EXOC4: variants seen among roughly 807,000 people sequenced by gnomAD.
EXOC4 encodes SEC8-like 1.
EXOC4 carries 71 observed loss-of-function variants against 107.2 expected under a neutral mutation model. The observed-to-expected ratio is 0.66, with a 90% CI of 0.55 to 0.81. The LOEUF (loss-of-function observed/expected upper bound fraction) is 0.81, where lower values mean the gene tolerates loss of function less well. EXOC4 is among the 30% of genes least tolerant of loss of function. The pLI is 0.00. For missense variants in EXOC4, 1,108 were observed against 1,189.6 expected (o/e 0.93, Z 1.01); for synonymous variants, 456 against 441.2 (o/e 1.03, Z -0.42).
At chr7:133,874,448 T>A (rs1408739370) in intron 11 of EXOC4, among the ~76,000 whole-genome samples, 2 of 152,216 alleles carry the variant, frequency 1.3e-5, no homozygotes, top group African/African-American at 4.8e-5. Context: ...ATATCCAAGT[T>A]GAATCTCCAC....
At chr7:134,044,749 T>C (rs1234909476) in intron 17 of EXOC4, among the ~76,000 whole-genome samples, 1 of 152,266 alleles carries the variant, frequency 6.6e-6, no homozygotes, top group Non-Finnish European at 1.5e-5. Flanking sequence ...GATCCAATGC[T>C]GTTAATATGT....
At chr7:133,377,453 A>C (rs930079013) in intron 7 of EXOC4, among the ~76,000 whole-genome samples, 1 of 152,226 alleles carries the variant, frequency 6.6e-6, no homozygotes, top group African/African-American at 2.4e-5. Flanking sequence ...ATTTGAGGAT[A>C]GATCAATGTA....
At chr7:133,274,620 T>G (rs1793946589) in intron 1 of EXOC4, among the ~76,000 whole-genome samples, 3 of 152,208 alleles carry the variant, frequency 2.0e-5, no homozygotes, top group Admixed American at 6.5e-5. Context: ...TAGTACTTCC[T>G]TAGTTTTGTC....
chr7:133,895,566 A>G (rs1799287316), intron 11 of EXOC4, 33 bp from the exon 12 acceptor site: 4 of 1,602,334 alleles, frequency 2.5e-6, no homozygotes, highest in South Asian at 2.2e-5. Flanking sequence ...GACTACAGAA[A>G]TCTCATATCC....
At chr7:133,704,370 T>C (rs1215698565) in intron 10 of EXOC4, among the ~76,000 whole-genome samples, 1 of 152,262 alleles carries the variant, frequency 6.6e-6, no homozygotes, top group Non-Finnish European at 1.5e-5. Context: ...ATGGTGGTCA[T>C]TGTAACACCG....
intron 14 of EXOC4, among the ~76,000 whole-genome samples, chr7:133,979,766 C>T (rs557530178): frequency 1.1e-4 from 16 of 151,490 alleles, no homozygotes; most frequent in South Asian, 4.2e-4. Flanking sequence ...CCAGCCTGGG[C>T]GACAGAGCGA....
chr7:133,353,188 A>G (rs962044257), intron 5 of EXOC4, among the ~76,000 whole-genome samples: 3 of 152,100 alleles, frequency 2.0e-5, no homozygotes, highest in Non-Finnish European at 2.9e-5. Context: ...TAACACTACT[A>G]ATTTTTATAA....
intron 11 of EXOC4, among the ~76,000 whole-genome samples, chr7:133,844,430 G>A (rs1041675735): frequency 5.3e-5 from 6 of 113,092 alleles, no homozygotes; most frequent in South Asian, 5.7e-4. Context: ...TTGCTCTGTC[G>A]CCAGACTGGA....
chr7:133,989,682 T>C (rs1480162498), intron 14 of EXOC4, among the ~76,000 whole-genome samples: 1 of 152,202 alleles, frequency 6.6e-6, no homozygotes, highest in Non-Finnish European at 1.5e-5. Context: ...TACAGTATCA[T>C]TGATGGCTAT....
At chr7:133,614,872 C>A (rs967697712) in intron 9 of EXOC4, among the ~76,000 whole-genome samples, 1 of 147,690 alleles carries the variant, frequency 6.8e-6, no homozygotes. Context: ...CAAGGGCTAG[C>A]AGACAACATA....
chr7:133,882,900 A>G (rs1471000704), intron 11 of EXOC4, among the ~76,000 whole-genome samples: 3 of 152,200 alleles, frequency 2.0e-5, no homozygotes, highest in Admixed American at 6.5e-5. Flanking sequence ...ACGAACGGAC[A>G]TAACTTTAAA....
At chr7:133,695,441 T>C (rs769652795) in intron 10 of EXOC4, among the ~76,000 whole-genome samples, 1 of 152,118 alleles carries the variant, frequency 6.6e-6, no homozygotes, top group South Asian at 2.1e-4. Context: ...TATGAACATA[T>C]AGGTATCTTT....
intron 9 of EXOC4, among the ~76,000 whole-genome samples, chr7:133,545,485 C>T (rs1382522275): frequency 6.6e-6 from 1 of 152,100 alleles, no homozygotes; most frequent in East Asian, 1.9e-4. Flanking sequence ...TTCCCTTTTC[C>T]CATTAAATGC....
At chr7:133,619,244 A>G (rs1455752475) in intron 9 of EXOC4, among the ~76,000 whole-genome samples, 1 of 152,164 alleles carries the variant, frequency 6.6e-6, no homozygotes, top group Admixed American at 6.6e-5. Flanking sequence ...GTATTTACAG[A>G]GCACTCGATC....
chr7:133,317,218 G>T (rs1795008741), intron 4 of EXOC4, 66 bp from the exon 5 acceptor site: 2 of 1,063,884 alleles, frequency 1.9e-6, no homozygotes, highest in Non-Finnish European at 2.9e-6. Flanking sequence ...TAAGGGTGGG[G>T]CTGTAGTGGG....
At chr7:133,796,444 T>C (rs549168297) in intron 10 of EXOC4, among the ~76,000 whole-genome samples, 1 of 152,224 alleles carries the variant, frequency 6.6e-6, no homozygotes, top group Admixed American at 6.5e-5. Flanking sequence ...GGCATGGCAT[T>C]GATGTAATAT....
chr7:133,956,966 C>T (rs1482576945), intron 14 of EXOC4, among the ~76,000 whole-genome samples: 4 of 151,680 alleles, frequency 2.6e-5, no homozygotes, highest in Non-Finnish European at 4.4e-5. Flanking sequence ...GTATTTTCCA[C>T]GTGATAATAC....
At chr7:133,493,889 C>T (rs923849235) in intron 9 of EXOC4, among the ~76,000 whole-genome samples, 36 of 152,104 alleles carry the variant, frequency 2.4e-4, no homozygotes, top group African/African-American at 7.0e-4. Flanking sequence ...CCATGATGAA[C>T]GTGGCCATTT....
chr7:133,452,072 T>G (rs1313677221), intron 7 of EXOC4, among the ~76,000 whole-genome samples: 10 of 152,324 alleles, frequency 6.6e-5, no homozygotes, highest in East Asian at 3.9e-4. Context: ...GAAAGCTTTT[T>G]GTCCTACTCA....
Sources: gnomAD v4.1 joint callset for allele counts (sites outside exome capture counted in the v4.1 genomes callset) on GRCh38, gnomAD v4.1.1 for gene constraint, MANE v1.5 for transcripts, NCBI Gene and HGNC (gene_info 2026-07-23, HGNC 2026-07-21) for gene names.